Variants in CPPED1 observed in about 807,000 individuals in gnomAD.
CPPED1 encodes the protein calcineurin like phosphoesterase domain containing 1, also known as serine/threonine-protein phosphatase CPPED1.
In CPPED1, 28 loss-of-function variants were observed where a neutral mutation model predicts 28.0. That is an observed-to-expected ratio of 1.00 (90% CI 0.74 to 1.37). The LOEUF (loss-of-function observed/expected upper bound fraction) is 1.37. Among genes scored for constraint, CPPED1 ranks in the 40% most tolerant of loss-of-function variants. The probability of loss-of-function intolerance (pLI) is 0.00; values close to 1 mark genes in which losing one functional copy is unlikely to be tolerated. For missense variants in CPPED1, 504 were observed against 416.5 expected (o/e 1.21, Z -1.83); for synonymous variants, 198 against 180.2 (o/e 1.10, Z -0.79).
rs927320029 is a variant in CPPED1 at position 12,662,352 on chromosome 16, G to T, written c.*2534C>A. 4 of 152,166 alleles carry T rather than the reference G, an allele frequency of 2.6e-5. No homozygotes were observed. The highest frequency in any genetic ancestry group is 5.9e-5 in the Non-Finnish European group (4 of 68,024). 9.4% of individuals were successfully genotyped at this position (152,166 alleles called of 1,614,324 possible). ...ATACTGCTGTTTGCTTACTTAAAAA[G>T]TGGTGAGAAATTAATATGATTCTCT... On this transcript the variant is annotated 3_prime_UTR_variant, in exon 4 of 4. Transcript: ENST00000381774.
intron 1 of CPPED1, among the ~76,000 whole-genome samples, chr16:12,785,936 G>GAA (rs11441328): frequency 5.6e-4 from 76 of 136,850 alleles, no homozygotes; most frequent in African/African-American, 1.0e-3. Flanking sequence ...GTCATTACTG[G>GAA]AAAAAAAAAA....
At chr16:12,792,515 C>T (rs2080602682) in intron 1 of CPPED1, among the ~76,000 whole-genome samples, 1 of 152,170 alleles carries the variant, frequency 6.6e-6, no homozygotes, top group Non-Finnish European at 1.5e-5. Flanking sequence ...AGACATACCA[C>T]AGGAATCCCC....
intron 3 of CPPED1, among the ~76,000 whole-genome samples, chr16:12,684,174 C>A (rs1286016913): frequency 6.6e-6 from 1 of 152,158 alleles, no homozygotes; most frequent in African/African-American, 2.4e-5. Context: ...TAGGAAGGAA[C>A]GCAGAGAAAA....
In CPPED1 at chr16:12,709,834, A is replaced by G. The variant is rs1260824807; in HGVS notation, c.290-4785T>C. 1.3e-5 allele frequency among the ~76,000 whole-genome samples: 2 copies of G among 151,990 alleles called. No individual in the cohort carries two copies. The highest frequency in any genetic ancestry group is 2.4e-5 in the African/African-American group (1 of 41,368). ...TCACACTCTCACTGAACATCATACTAGAAATCCTAGCCAGTGCAATAGGCA... is the reference window on the plus strand; with the variant it reads ...TCACACTCTCACTGAACATCATACTGGAAATCCTAGCCAGTGCAATAGGCA... On this transcript the variant is annotated intron_variant, in intron 2 of 3. Coordinates refer to ENST00000381774, the MANE Select transcript of CPPED1 (RefSeq NM_018340.3). This position sits in a 1 kb window ranked among gnomAD's most constrained non-coding sequence, Gnocchi z 4.4.
rs571893166 is a variant in CPPED1 at position 12,778,699 on chromosome 16, G to A, written c.289+2486C>T. Among the ~76,000 whole-genome samples the A allele has an allele frequency of 2.6e-5, 4 of 152,348 alleles. No homozygotes were observed. In the South Asian group the frequency reaches 6.2e-4, roughly 24 times the overall value. On this transcript the variant is annotated intron_variant, in intron 2 of 3. Transcript: ENST00000381774. Reference sequence around the variant, plus strand: ...TCAAAGCAAATAATTACTTTCTAGTGTCTAACCCTGTCTATGAGCTAAATG... The same window carrying A: ...TCAAAGCAAATAATTACTTTCTAGTATCTAACCCTGTCTATGAGCTAAATG...
chr16:12,735,872 A>G (rs1459015045), intron 2 of CPPED1, among the ~76,000 whole-genome samples: 4 of 152,244 alleles, frequency 2.6e-5, no homozygotes, highest in Non-Finnish European at 4.4e-5. Flanking sequence ...TGAGACTAAA[A>G]AGAGGCCTGC....
chr16:12,779,040 T>G (rs1249516911), intron 2 of CPPED1, among the ~76,000 whole-genome samples: 3 of 152,192 alleles, frequency 2.0e-5, no homozygotes, highest in East Asian at 1.9e-4. Context: ...AGCAACATAA[T>G]TGCATGAAAA....
At chr16:12,773,210 A>C (rs1434294194) in intron 2 of CPPED1, among the ~76,000 whole-genome samples, 1 of 152,192 alleles carries the variant, frequency 6.6e-6, no homozygotes, top group Non-Finnish European at 1.5e-5. Context: ...CTGAACATCA[A>C]AGGGCTATTT....
rs998898637 is a variant in CPPED1, at chr16:12,664,515, C to G, written c.*371G>C. ...GTTTAAGGAATTATCAAAGATCATACTTGGCTGTCAGATTGGAATTGAGGT... is the reference window on the plus strand; with the variant it reads ...GTTTAAGGAATTATCAAAGATCATAGTTGGCTGTCAGATTGGAATTGAGGT... On this transcript the variant is annotated 3_prime_UTR_variant, in exon 4 of 4. Coordinates refer to ENST00000381774, the MANE Select transcript of CPPED1 (RefSeq NM_018340.3). This position sits in a 1 kb window ranked among gnomAD's most constrained non-coding sequence, Gnocchi z 4.2. 38 of 1,068,198 alleles carry G rather than the reference C, an allele frequency of 3.6e-5. No individual in the cohort carries two copies. The highest frequency in any genetic ancestry group is 1.8e-4 in the Admixed American group (3 of 16,984). The allele number at this position is 1,068,198 out of a possible 1,614,324, so 66.2% of individuals were successfully genotyped here.
In CPPED1 at chr16:12,662,630, T is replaced by C. The variant is rs2079801688; in HGVS notation, c.*2256A>G. 1 of 152,202 alleles carries C rather than the reference T, an allele frequency of 6.6e-6. No individual in the cohort carries two copies. The highest frequency in any genetic ancestry group is 2.1e-4 in the South Asian group (1 of 4,834). The allele number at this position is 152,202 out of a possible 1,614,324, so 9.4% of individuals were successfully genotyped here. On this transcript the variant is annotated 3_prime_UTR_variant, in exon 4 of 4. Transcript: ENST00000381774. ...CCCATTTATGAGTGAGAACATGAAG[T>C]ATTCGACTTTCTACTTCTAAGTTAT...
intron 2 of CPPED1, among the ~76,000 whole-genome samples, chr16:12,712,003 T>C (rs752212213): frequency 1.3e-5 from 2 of 152,120 alleles, no homozygotes; most frequent in Non-Finnish European, 2.9e-5. Context: ...TCAGGGAGCT[T>C]AGCCCCCAGT....
intron 3 of CPPED1, among the ~76,000 whole-genome samples, chr16:12,690,049 T>A (rs2079954278): frequency 6.6e-6 from 1 of 152,224 alleles, no homozygotes; most frequent in Non-Finnish European, 1.5e-5. Flanking sequence ...CAAACCAACC[T>A]TTATTTTTAT....
At chr16:12,690,609 G>A (rs544512927) in intron 3 of CPPED1, among the ~76,000 whole-genome samples, 4 of 150,380 alleles carry the variant, frequency 2.7e-5, no homozygotes, top group Admixed American at 2.0e-4. Flanking sequence ...TTGAGCTCAG[G>A]AGTTCGAGAC....
At position 12,664,504 on chromosome 16, in the gene CPPED1, C is replaced by T; in HGVS notation, c.*382G>A. ...AGGTGTAGTTTGTTTAAGGAATTAT[C>T]AAAGATCATACTTGGCTGTCAGATT... On this transcript the variant is annotated 3_prime_UTR_variant, in exon 4 of 4. Transcript: ENST00000381774. This position sits in a 1 kb window ranked among gnomAD's most constrained non-coding sequence, Gnocchi z 4.2. 1 of 1,059,644 alleles carries T rather than the reference C, an allele frequency of 9.4e-7. No homozygotes were observed. The highest frequency in any genetic ancestry group is 1.1e-6 in the Non-Finnish European group (1 of 877,544). 65.6% of individuals were successfully genotyped at this position (1,059,644 alleles called of 1,614,324 possible).
intron 3 of CPPED1, among the ~76,000 whole-genome samples, chr16:12,700,904 G>A (rs1443618355): frequency 6.6e-6 from 1 of 152,066 alleles, no homozygotes; most frequent in Admixed American, 6.5e-5. Context: ...GGGTGGGGAG[G>A]AGGGGAGAGC....
Position 12,680,996 on chromosome 16 carries a change from CTTTCTT to C in CPPED1, c.716-15887_716-15882del, listed in dbSNP as rs549716389. Among the ~76,000 whole-genome samples the C allele has an allele frequency of 2.1e-3, 313 of 152,222 alleles. 2 individuals carry two copies. Among genetic ancestry groups the C allele is most frequent in the Non-Finnish European group, 3.9e-3 (266 of 68,008 alleles). The stretch of plus-strand genomic sequence containing the variant: ...TCCTCTTGAGATTCTCTTCCTCTTT[CTTTCTT>C]TTTAATGTTTTGCTTGGGTAGGAAG... On this transcript the variant is annotated intron_variant, in intron 3 of 3. Coordinates refer to ENST00000381774, the MANE Select transcript of CPPED1 (RefSeq NM_018340.3).
rs182672173 is a variant in CPPED1 at position 12,746,800 on chromosome 16, C to T, written c.289+34385G>A. Among the ~76,000 whole-genome samples the T allele has an allele frequency of 7.2e-5, 11 of 152,142 alleles. No individual in the cohort carries two copies. The East Asian group carries it at 1.3e-3, about 19-fold the overall frequency. ...ATTGTTATCAGGGTCTTATGTAATACGCAAAGTGGGGTGATATCGCTTGCA... is the reference window on the plus strand; with the variant it reads ...ATTGTTATCAGGGTCTTATGTAATATGCAAAGTGGGGTGATATCGCTTGCA... On this transcript the variant is annotated intron_variant, in intron 2 of 3. Transcript: ENST00000381774.
At chr16:12,703,977 T>C (rs1423831616) in intron 3 of CPPED1, among the ~76,000 whole-genome samples, 3 of 152,158 alleles carry the variant, frequency 2.0e-5, no homozygotes, top group South Asian at 4.1e-4. Context: ...CAGCAAAAGA[T>C]GGGACTAAAT....
chr16:12,797,410 G>A (rs958033217), intron 1 of CPPED1, among the ~76,000 whole-genome samples: 1 of 152,102 alleles, frequency 6.6e-6, no homozygotes, highest in African/African-American at 2.4e-5. Context: ...TCAGCCAGGC[G>A]TGGTAGCACC....
Sources: gnomAD v4.1 joint callset for allele counts (sites outside exome capture counted in the v4.1 genomes callset) on GRCh38, gnomAD v4.1.1 for gene constraint, Gnocchi (gnomAD v3.1) non-coding constraint, MANE v1.5 for transcripts, NCBI Gene and HGNC (gene_info 2026-07-23, HGNC 2026-07-21) for gene names.